Variants in PEAK1 observed in about 807,000 individuals in gnomAD.
PEAK1 encodes the protein pseudopodium enriched atypical kinase 1.
A neutral mutation model predicts 124.7 loss-of-function variants in PEAK1; 54 were observed. The observed-to-expected ratio is 0.43, with a 90% CI of 0.35 to 0.54. PEAK1 has a LOEUF of 0.54. Among genes scored for constraint, PEAK1 ranks in the 20% least tolerant of loss-of-function variants. The pLI is 0.01. For missense variants in PEAK1, 2,046 were observed against 2,134.5 expected, an observed-to-expected ratio of 0.96 and a Z score of 0.82; for synonymous variants, 719 against 760.0, an observed-to-expected ratio of 0.95 and a Z score of 0.89.
At chr15:77,135,282 G>A (rs985469306) in intron 8 of PEAK1, among the ~76,000 whole-genome samples, 1 of 152,138 alleles carries the variant, frequency 6.6e-6, no homozygotes, top group Non-Finnish European at 1.5e-5. Flanking sequence ...TAGGGGTGGT[G>A]GTTTGTTTTG....
chr15:77,172,607 TCAC>T (rs2056585313), intron 7 of PEAK1, among the ~76,000 whole-genome samples: 1 of 152,186 alleles, frequency 6.6e-6, no homozygotes, highest in Non-Finnish European at 1.5e-5. Flanking sequence ...TAGTTCAGCT[TCAC>T]AACTCAAACT....
At chr15:77,101,606 C>T (rs1300844769) in exon 7 of PEAK1, 2 of 152,216 alleles carry the variant, frequency 1.3e-5, no homozygotes, top group Non-Finnish European at 2.9e-5. Context: ...GCTGAGGACA[C>T]AGTTTGTCAG....
intron 5 of PEAK1, among the ~76,000 whole-genome samples, chr15:77,274,112 T>C (rs569469190): frequency 1.3e-5 from 2 of 152,270 alleles, no homozygotes; most frequent in South Asian, 2.1e-4. Flanking sequence ...TCTCACCTTA[T>C]ACAAAAATCC....
intron 9 of PEAK1, among the ~76,000 whole-genome samples, chr15:77,127,541 G>A (rs949295195): frequency 2.6e-5 from 4 of 152,134 alleles, no homozygotes; most frequent in Admixed American, 2.0e-4. Flanking sequence ...GAACATTATT[G>A]GAAACTGGAG....
chr15:77,419,203 C>T (rs2073144652), intron 1 of PEAK1: 1 of 985,130 alleles, frequency 1.0e-6, no homozygotes, highest in African/African-American at 1.7e-5. Context: ...CAGAGGCAGG[C>T]GGGGGAGGAG....
At chr15:77,345,254 T>C (rs1180978072) in intron 2 of PEAK1, among the ~76,000 whole-genome samples, 1 of 152,220 alleles carries the variant, frequency 6.6e-6, no homozygotes, top group Non-Finnish European at 1.5e-5. Context: ...TGAAAGGGTG[T>C]TAAATCTTGT....
chr15:77,350,226 A>G (rs1484087583), intron 2 of PEAK1: 2 of 985,340 alleles, frequency 2.0e-6, no homozygotes, highest in Non-Finnish European at 2.4e-6. Flanking sequence ...CAAAAGAACA[A>G]TAAATCAATA....
At chr15:77,234,728 T>C (rs1428824265) in intron 6 of PEAK1, among the ~76,000 whole-genome samples, 1 of 152,104 alleles carries the variant, frequency 6.6e-6, no homozygotes, top group African/African-American at 2.4e-5. Flanking sequence ...CTTGAATTCC[T>C]GGGCTCAAGA....
At chr15:77,202,974 T>C (rs538930323) in intron 6 of PEAK1, among the ~76,000 whole-genome samples, 3 of 150,728 alleles carry the variant, frequency 2.0e-5, no homozygotes, top group African/African-American at 7.3e-5. Flanking sequence ...GAGGCAGAGA[T>C]TGCAGTGAGC....
At position 77,114,106 on chromosome 15, in the gene PEAK1, G is replaced by C. The variant is rs560811923; in HGVS notation, c.*50C>G. The C allele has an allele frequency of 1.3e-6, 2 of 1,569,170 alleles. No homozygotes were observed. The highest frequency in any genetic ancestry group is 3.4e-5 in the Admixed American group (2 of 58,964). ...GAGCACTAGGGAGGGGAAGTGCATGGGTGACATGAAGAAGGTGAAGATGTA... is the reference window on the plus strand; with the variant it reads ...GAGCACTAGGGAGGGGAAGTGCATGCGTGACATGAAGAAGGTGAAGATGTA... On this transcript the variant is annotated 3_prime_UTR_variant, in exon 10 of 10. Transcript: ENST00000682557.
intron 2 of PEAK1, among the ~76,000 whole-genome samples, chr15:77,292,761 T>C (rs1384507660): frequency 6.6e-6 from 1 of 152,156 alleles, no homozygotes; most frequent in Non-Finnish European, 1.5e-5. Context: ...ACGCAGTTAG[T>C]GAATAATAAG....
At position 77,177,824 on chromosome 15, in the gene PEAK1, C is replaced by T. The variant is rs943096967; in HGVS notation, c.3137+966G>A. 10 of 152,236 alleles carry T rather than the reference C, an allele frequency of 6.6e-5. No individual in the cohort carries two copies. The East Asian group carries it at 1.7e-3, about 26-fold the overall frequency. 9.4% of individuals were successfully genotyped at this position (152,236 alleles called of 1,614,324 possible). On this transcript the variant is annotated intron_variant, in intron 7 of 9. Transcript: ENST00000682557. ...TATAAATAAGAAAGAAAAACTTAGGCTTCCTAAACATATGTATTTATGTGA... is the reference window on the plus strand; with the variant it reads ...TATAAATAAGAAAGAAAAACTTAGGTTTCCTAAACATATGTATTTATGTGA...
At chr15:77,256,409 TA>T (rs569192028) in intron 5 of PEAK1, among the ~76,000 whole-genome samples, 4,791 of 142,548 alleles carry the variant, frequency 0.034, 150 homozygotes, top group African/African-American at 0.089. Flanking sequence ...TAGTTTCAGG[TA>T]AAAAAAAAAA....
At chr15:77,389,457 T>C (rs891480547) in intron 1 of PEAK1, among the ~76,000 whole-genome samples, 1 of 152,172 alleles carries the variant, frequency 6.6e-6, no homozygotes, top group Admixed American at 6.5e-5. Flanking sequence ...TGGGAGATAA[T>C]ACCATCTCTC....
At chr15:77,326,906 T>C (rs887228176) in intron 2 of PEAK1, among the ~76,000 whole-genome samples, 2 of 152,050 alleles carry the variant, frequency 1.3e-5, no homozygotes, top group African/African-American at 4.8e-5. Flanking sequence ...AGAAATTAAG[T>C]TTAGCAAGGT....
chr15:77,262,549 G>T (rs534824154), intron 5 of PEAK1, among the ~76,000 whole-genome samples: 235 of 151,878 alleles, frequency 1.5e-3, no homozygotes, highest in African/African-American at 5.6e-3. Context: ...AATTGAACAA[G>T]AAGAGCTAAC....
intron 7 of PEAK1, among the ~76,000 whole-genome samples, chr15:77,159,554 T>C (rs779562196): frequency 1.4e-4 from 21 of 152,198 alleles, no homozygotes; most frequent in Non-Finnish European, 2.4e-4. Context: ...TTCAAAATCA[T>C]GCATCTTTAA....
At chr15:77,355,933 T>C in intron 2 of PEAK1, 1 of 985,390 alleles carries the variant, frequency 1.0e-6, no homozygotes, top group Non-Finnish European at 1.2e-6. Flanking sequence ...GTGTGTGGAA[T>C]GGTGGCTTAG....
intron 1 of PEAK1, among the ~76,000 whole-genome samples, chr15:77,407,308 G>A (rs1482053011): frequency 1.3e-5 from 2 of 152,062 alleles, no homozygotes; most frequent in South Asian, 2.1e-4. Flanking sequence ...CACAGCAAAC[G>A]AAATAACCAG....
Sources: gnomAD v4.1 joint callset for allele counts (sites outside exome capture counted in the v4.1 genomes callset) on GRCh38, gnomAD v4.1.1 for gene constraint, MANE v1.5 for transcripts, NCBI Gene and HGNC (gene_info 2026-07-23, HGNC 2026-07-21) for gene names.